Variants in CPAMD8 observed in about 807,000 individuals in gnomAD.
CPAMD8 encodes C3 and PZP like alpha-2-macroglobulin domain containing 8.
In CPAMD8, 146 loss-of-function variants were observed where a neutral mutation model predicts 224.7. That is an observed-to-expected ratio of 0.65 (90% CI 0.57 to 0.75). The LOEUF (loss-of-function observed/expected upper bound fraction) is 0.75, where lower values mean the gene tolerates loss of function less well. Ranked by LOEUF, CPAMD8 falls within the 30% of genes least tolerant of loss-of-function variation. The pLI, the probability that CPAMD8 is intolerant of heterozygous loss-of-function variation, is 0.00. For synonymous variants in CPAMD8, 966 were observed against 1,044.6 expected (o/e 0.92, Z 1.45); for missense variants, 2,301 against 2,537.5 (o/e 0.91, Z 2.00).
At chr19:16,994,427 A>G (rs2056058716) in intron 11 of CPAMD8, among the ~76,000 whole-genome samples, 1 of 152,098 alleles carries the variant, frequency 6.6e-6, no homozygotes, top group African/African-American at 2.4e-5. Flanking sequence ...GTAGCCTCTG[A>G]AGAACCCTAA....
At chr19:16,926,304 C>CTTTATTTTATTTTAA (rs2053357060) in intron 25 of CPAMD8, among the ~76,000 whole-genome samples, 1 of 150,448 alleles carries the variant, frequency 6.6e-6, no homozygotes, top group African/African-American at 2.5e-5. Context: ...TTCTTTCCTT[C>CTTTATTTTATTTTAA]TTTATTTTAT....
chr19:16,894,200 G>C (rs1050909597), intron 41 of CPAMD8: 1 of 296,282 alleles, frequency 3.4e-6, no homozygotes, highest in African/African-American at 2.2e-5. Flanking sequence ...ACCTCCAGCT[G>C]TCCCCCCTGC....
Position 16,980,580 on chromosome 19 carries a change from G to T in CPAMD8, c.1502C>A (p.Pro501His). ...GCTTCGCTGCTGGGTGGTGTGGGCA[G>T]GCTGCTGGCCCGATAGCACAATATT... Reference protein sequence around the residue: ...RGNIVLSGQQPAHTTQQRSKR... With the variant: ...RGNIVLSGQQHAHTTQQRSKR... Residue 501 changes from proline (P) to histidine (H), a missense_variant, in exon 14 of 42, where the codon CCT becomes CAT. Transcript: ENST00000443236. The T allele has an allele frequency of 6.2e-7, 1 of 1,613,870 alleles. No individual in the cohort carries two copies. Among genetic ancestry groups the T allele is most frequent in the African/African-American group, 1.3e-5 (1 of 75,032 alleles).
At chr19:16,971,718 C>T (rs1480122896) in intron 17 of CPAMD8, among the ~76,000 whole-genome samples, 3 of 152,044 alleles carry the variant, frequency 2.0e-5, no homozygotes, top group East Asian at 1.9e-4. Context: ...GAATTTTAAA[C>T]GGTGAGTTTT....
rs562247022 is a variant in CPAMD8, at chr19:16,990,793, GC to G, written c.1267-1023del. ...CAGGGGAATCACTTGAACCTGGGAGGCAGAGGTTGCAGTGAGCTGGAATCAC... is the reference window on the plus strand; with the variant it reads ...CAGGGGAATCACTTGAACCTGGGAGGAGAGGTTGCAGTGAGCTGGAATCAC... On this transcript the variant is annotated intron_variant, in intron 12 of 41. Transcript: ENST00000443236. Among the ~76,000 whole-genome samples the G allele has an allele frequency of 1.5e-3, 224 of 146,746 alleles. 2 individuals carry two copies. Among genetic ancestry groups the G allele is most frequent in the Non-Finnish European group, 2.3e-3 (158 of 67,288 alleles).
intron 25 of CPAMD8, among the ~76,000 whole-genome samples, chr19:16,925,937 T>C (rs531976870): frequency 6.6e-6 from 1 of 152,052 alleles, no homozygotes; most frequent in South Asian, 2.1e-4. Flanking sequence ...ATTTTTATTT[T>C]TTTAGTAGAG....
In CPAMD8 at chr19:16,903,829, G is replaced by C. The variant is rs1201271099; in HGVS notation, c.4280C>G (p.Ala1427Gly). The change falls in exon 33 of 42, where the codon GCT (alanine) becomes GGT (glycine). Residue 1427 changes from alanine to glycine, a missense_variant. Ala to Gly is a moderately conservative substitution (Grantham distance 60). Coordinates refer to ENST00000443236, the MANE Select transcript of CPAMD8 (RefSeq NM_015692.5). ...QDTCVALQALAEYAILSYAGG... is the reference protein window; with the variant it reads ...QDTCVALQALGEYAILSYAGG... ...AGCATAGGACAAGATGGCATATTCA[G>C]CCAAGGCCTGCAGAGCCACGCAGGT... is the stretch of plus-strand genomic sequence containing the variant. 3 of 1,613,974 alleles carry C rather than the reference G, an allele frequency of 1.9e-6. No individual in the cohort carries two copies. Among genetic ancestry groups the C allele is most frequent in the South Asian group, 1.1e-5 (1 of 91,090 alleles).
In CPAMD8 at chr19:16,989,689, G is replaced by A; in HGVS notation, c.1349C>T (p.Pro450Leu). The A allele has an allele frequency of 3.1e-6, 5 of 1,614,070 alleles. No individual in the cohort carries two copies. The highest frequency in any genetic ancestry group is 3.4e-6 in the Non-Finnish European group (4 of 1,180,012). Reference protein sequence around the residue: ...SYLSLGSWYSPSQCYLQLQPP... With the variant: ...SYLSLGSWYSLSQCYLQLQPP... ...CTGCAGCTGCAGGTAGCACTGGCTG[G>A]GGGAGTACCAGCTGCCGAGGGAGAG... Residue 450 changes from proline (P) to leucine (L), a missense_variant, in exon 13 of 42, where the codon CCC (proline) becomes CTC (leucine). Around this residue, in one of 4 missense-constraint regions of CPAMD8, gnomAD observed 301 missense variants for 406.6 expected, o/e 0.74. Transcript: ENST00000443236.
In CPAMD8 at chr19:16,903,657, C is replaced by A. The variant is rs2052351339; in HGVS notation, c.4408-34G>T. The A allele has an allele frequency of 3.1e-6, 5 of 1,614,048 alleles. No homozygotes were observed. In the South Asian group the frequency reaches 3.3e-5, roughly 11 times the overall value. On this transcript the variant is annotated intron_variant, in intron 33 of 41. Transcript: ENST00000443236. The stretch of plus-strand genomic sequence containing the variant: ...AGAAGTCACCGTGAGGCCCTGCTGA[C>A]CCCTCCTCCAACAACCCCCAAACCC...
intron 35 of CPAMD8, 69 bp from the exon 36 acceptor site, chr19:16,901,366 TC>T: frequency 2.8e-6 from 3 of 1,075,084 alleles, no homozygotes; most frequent in Admixed American, 4.0e-5. Flanking sequence ...AGGTCCCCTC[TC>T]CCCCTGGAGC....
At chr19:16,960,841 T>TGA (rs2054627762) in intron 18 of CPAMD8, among the ~76,000 whole-genome samples, 1 of 151,250 alleles carries the variant, frequency 6.6e-6, no homozygotes, top group Non-Finnish European at 1.5e-5. Flanking sequence ...GGCAGTGAGC[T>TGA]GAGATCCCAT....
intron 13 of CPAMD8, among the ~76,000 whole-genome samples, chr19:16,981,507 G>A (rs572466070): frequency 6.6e-6 from 1 of 152,274 alleles, no homozygotes; most frequent in East Asian, 1.9e-4. Context: ...TGGAAACTGA[G>A]GCCTTGGTTC....
chr19:16,964,171 G>A (rs1370424592), intron 18 of CPAMD8, among the ~76,000 whole-genome samples: 12 of 152,006 alleles, frequency 7.9e-5, no homozygotes, highest in Non-Finnish European at 2.9e-5. Flanking sequence ...CTAGCAGAAG[G>A]CAAGAAATAA....
At chr19:16,914,402 C>T (rs779106592) in intron 29 of CPAMD8, 22 bp downstream of exon 29, 39 of 1,611,470 alleles carry the variant, frequency 2.4e-5, no homozygotes, top group Non-Finnish European at 3.2e-5. Flanking sequence ...CCCGAGTCTC[C>T]CCAAACCCCT....
chr19:16,993,215 C>T (rs2056014510), intron 12 of CPAMD8, among the ~76,000 whole-genome samples: 1 of 152,198 alleles, frequency 6.6e-6, no homozygotes, highest in African/African-American at 2.4e-5. Flanking sequence ...CATAACTGGT[C>T]CAGGCACCCT....
chr19:16,913,452 C>T (rs2052805465), intron 29 of CPAMD8, among the ~76,000 whole-genome samples: 1 of 152,098 alleles, frequency 6.6e-6, no homozygotes, highest in Non-Finnish European at 1.5e-5. Context: ...TAGGGAAACG[C>T]CATGTGAACA....
chr19:16,914,391 C>T lies in CPAMD8; in HGVS notation c.3861+33G>A, dbSNP rs750332926. 12 of 1,595,706 alleles carry T rather than the reference C, an allele frequency of 7.5e-6. No homozygotes were observed. The East Asian group carries it at 2.5e-4, about 33-fold the overall frequency. On this transcript the variant is annotated intron_variant, in intron 29 of 41. Transcript: ENST00000443236. ...TTCCATTTGCTCCTCCAGTGCCCAG[C>T]CCCGAGTCTCCCCAAACCCCTTCTG...
intron 27 of CPAMD8, among the ~76,000 whole-genome samples, chr19:16,917,138 T>A (rs1459751418): frequency 1.3e-5 from 2 of 152,178 alleles, no homozygotes; most frequent in Non-Finnish European, 2.9e-5. Context: ...ATACTTGTAA[T>A]CCTAACACCT....
At chr19:16,989,869 C>T in intron 12 of CPAMD8, 98 bp from the exon 13 acceptor site, 1 of 1,158,944 alleles carries the variant, frequency 8.6e-7, no homozygotes, top group Non-Finnish European at 1.3e-6. Flanking sequence ...GAAACACCCT[C>T]TCATGCTCCA....
Sources: gnomAD v4.1 joint callset for allele counts (sites outside exome capture counted in the v4.1 genomes callset) on GRCh38, gnomAD v4.1.1 for gene constraint, gnomAD v4.1.1 regional missense constraint, MANE v1.5 for transcripts, NCBI Gene and HGNC (gene_info 2026-07-23, HGNC 2026-07-21) for gene names.